Variants in SORCS3 observed in about 807,000 individuals in gnomAD.
SORCS3 encodes sortilin related VPS10 domain containing receptor 3.
A neutral mutation model predicts 146.3 loss-of-function variants in SORCS3; 57 were observed. That is an observed-to-expected ratio of 0.39 (90% CI 0.31 to 0.49). The LOEUF is 0.49. Ranked by LOEUF, SORCS3 falls within the 20% of genes least tolerant of loss-of-function variation. SORCS3 has a pLI of 0.92. For synonymous variants in SORCS3, 653 were observed against 618.5 expected, an observed-to-expected ratio of 1.06 and a Z score of -0.83; for missense variants, 1,341 against 1,575.5, an observed-to-expected ratio of 0.85 and a Z score of 2.52.
chr10:104,726,808 C>T lies in SORCS3; in HGVS notation c.627+84854C>T, dbSNP rs550285293. The stretch of plus-strand genomic sequence containing the variant: ...CCTGCCCCATCTCCATTCCTCTGCC[C>T]TTTTTTTCCAGAGCTTCTCCCCCAG... On this transcript the variant is annotated intron_variant, in intron 1 of 26. Transcript: ENST00000369701. Among the ~76,000 whole-genome samples, 8 of 152,222 alleles carry T rather than the reference C, an allele frequency of 5.3e-5. No homozygotes were observed. In the South Asian group the frequency reaches 1.2e-3, roughly 24 times the overall value.
Position 105,245,646 on chromosome 10 carries a change from A to G in SORCS3, c.2973A>G (p.Thr991=), listed in dbSNP as rs139941916. 297 of 1,613,984 alleles carry G rather than the reference A, an allele frequency of 1.8e-4. No homozygotes were observed. Among genetic ancestry groups the G allele is most frequent in the Non-Finnish European group, 2.4e-4 (279 of 1,180,000 alleles). Residue 991 remains threonine, a synonymous_variant, in exon 21 of 27, where the codon ACA becomes ACG. Coordinates refer to ENST00000369701, the MANE Select transcript of SORCS3 (RefSeq NM_014978.3). ...CTGGGAATGCCCTCATCCAGGACAC[A>G]AAAGAGATTGCAGTTCATGGTAAGC... ...VAAGNALIQD[T]KEIAVHEYFQ...
intron 2 of SORCS3, among the ~76,000 whole-genome samples, chr10:104,914,898 G>A (rs1206094450): frequency 2.0e-5 from 3 of 152,058 alleles, no homozygotes; most frequent in Non-Finnish European, 4.4e-5. Context: ...CTCTTCTAAA[G>A]CTTGAGTTGG....
chr10:104,678,796 A>G (rs1247536020), intron 1 of SORCS3, among the ~76,000 whole-genome samples: 1 of 152,226 alleles, frequency 6.6e-6, no homozygotes, highest in Admixed American at 6.5e-5. Flanking sequence ...AATAATAGGA[A>G]CATGCCCATC....
At chr10:104,759,000 A>T (rs920991319) in intron 1 of SORCS3, among the ~76,000 whole-genome samples, 2 of 152,130 alleles carry the variant, frequency 1.3e-5, no homozygotes, top group Non-Finnish European at 2.9e-5. Flanking sequence ...TGAGAATGTG[A>T]TCGTATTTGG....
chr10:105,147,560 C>G, intron 8 of SORCS3, 57 bp from the exon 9 acceptor site: 1 of 1,455,354 alleles, frequency 6.9e-7, no homozygotes, highest in Non-Finnish European at 9.3e-7. Flanking sequence ...CTTGGCATCC[C>G]AATGGGCAGA....
chr10:105,004,567 T>C (rs935095755), intron 4 of SORCS3, among the ~76,000 whole-genome samples: 3 of 152,098 alleles, frequency 2.0e-5, no homozygotes, highest in African/African-American at 4.8e-5. Context: ...CTCTAACCTC[T>C]CCTCTCCTCT....
intron 2 of SORCS3, among the ~76,000 whole-genome samples, chr10:104,892,254 TA>T (rs1255804110): frequency 6.6e-6 from 1 of 152,186 alleles, no homozygotes; most frequent in Non-Finnish European, 1.5e-5. Flanking sequence ...GGAGATGCAC[TA>T]AGCTAGTTGG....
intron 22 of SORCS3, among the ~76,000 whole-genome samples, chr10:105,248,713 C>A (rs1262661381): frequency 4.8e-3 from 530 of 110,062 alleles, no homozygotes; most frequent in South Asian, 5.0e-3. Context: ...GACTCCATCT[C>A]AAAAAAAAAA....
intron 1 of SORCS3, among the ~76,000 whole-genome samples, chr10:104,734,008 A>G (rs1228556849): frequency 6.6e-6 from 1 of 152,164 alleles, no homozygotes; most frequent in African/African-American, 2.4e-5. Context: ...CCCTCATGCA[A>G]TAGGAGGCAT....
intron 2 of SORCS3, among the ~76,000 whole-genome samples, chr10:104,906,388 C>T (rs7896186): frequency 0.36 from 55,393 of 152,020 alleles, 13,265 homozygotes; most frequent in African/African-American, 0.68. Flanking sequence ...AATGAGATGG[C>T]GTTAGCCTGT....
chr10:104,836,842 CT>C (rs1359623880), intron 1 of SORCS3, among the ~76,000 whole-genome samples: 1 of 152,050 alleles, frequency 6.6e-6, no homozygotes, highest in East Asian at 1.9e-4. Flanking sequence ...AACTAGAATG[CT>C]GCCCCTACCT....
intron 1 of SORCS3, among the ~76,000 whole-genome samples, chr10:104,737,231 A>G (rs1223184433): frequency 6.6e-6 from 1 of 152,344 alleles, no homozygotes; most frequent in South Asian, 2.1e-4. Context: ...TAGTGCCGCA[A>G]TAAACATAAG....
intron 1 of SORCS3, among the ~76,000 whole-genome samples, chr10:104,713,133 G>A (rs1172683318): frequency 2.7e-5 from 4 of 149,504 alleles, no homozygotes; most frequent in Admixed American, 2.7e-4. Flanking sequence ...GTGTGCGTGT[G>A]TGTGTGTGTG....
chr10:105,220,155 C>T (rs2056691942), intron 19 of SORCS3, among the ~76,000 whole-genome samples: 1 of 152,142 alleles, frequency 6.6e-6, no homozygotes, highest in African/African-American at 2.4e-5. Flanking sequence ...ATCTGCTCAG[C>T]TCTCATCTCT....
intron 4 of SORCS3, among the ~76,000 whole-genome samples, chr10:105,013,429 T>C (rs80348002): frequency 0.012 from 1,827 of 152,194 alleles, 33 homozygotes; most frequent in African/African-American, 0.041. Context: ...TCATCTTCTA[T>C]ACATAATATG....
At chr10:104,773,511 T>C (rs542020561) in intron 1 of SORCS3, among the ~76,000 whole-genome samples, 1 of 152,256 alleles carries the variant, frequency 6.6e-6, no homozygotes, top group African/African-American at 2.4e-5. Context: ...TCTTCTATTT[T>C]TCCTTTCAGT....
intron 4 of SORCS3, among the ~76,000 whole-genome samples, chr10:105,037,837 A>G (rs546671592): frequency 1.7e-4 from 26 of 152,266 alleles, no homozygotes; most frequent in Non-Finnish European, 2.5e-4. Context: ...CTATGATCTC[A>G]TATTATTCTT....
intron 20 of SORCS3, 114 bp from the exon 21 acceptor site, chr10:105,245,428 T>G: frequency 4.0e-6 from 5 of 1,245,330 alleles, no homozygotes; most frequent in East Asian, 2.3e-5. Flanking sequence ...TAACGTTTGT[T>G]TGTTTGTTTG....
At chr10:105,261,860 T>C (rs1242949762) in intron 25 of SORCS3, among the ~76,000 whole-genome samples, 1 of 152,212 alleles carries the variant, frequency 6.6e-6, no homozygotes, top group Middle Eastern at 3.2e-3. Context: ...AGTGATGCTC[T>C]GAAAATTGTA....
Sources: gnomAD v4.1 joint callset for allele counts (sites outside exome capture counted in the v4.1 genomes callset) on GRCh38, gnomAD v4.1.1 for gene constraint, MANE v1.5 for transcripts, NCBI Gene and HGNC (gene_info 2026-07-23, HGNC 2026-07-21) for gene names.